The following LRRC37A3 variants were observed in gnomAD, a reference collection of about 807,000 sequenced individuals.
LRRC37A3 encodes leucine-rich repeat-containing protein 37A3.
A neutral mutation model predicts 106.2 loss-of-function variants in LRRC37A3; 25 were observed. That is an observed-to-expected ratio of 0.24 (90% CI 0.17 to 0.33). LRRC37A3 has a LOEUF of 0.33. Among genes scored for constraint, LRRC37A3 ranks in the 10% least tolerant of loss-of-function variants. The pLI is 1.00. For synonymous variants in LRRC37A3, 305 were observed against 635.8 expected, an observed-to-expected ratio of 0.48 and a Z score of 7.83; for missense variants, 712 against 1,644.9, an observed-to-expected ratio of 0.43 and a Z score of 9.81.
Position 64,860,362 on chromosome 17 carries a change from C to A in LRRC37A3, c.3784G>T (p.Ala1262Ser). Residue 1262 changes from alanine to serine, a missense_variant, in exon 12 of 15, where the codon GCA (alanine) becomes TCA (serine). Ala to Ser is a moderately conservative substitution (Grantham distance 99). Transcript: ENST00000584306. ...SKGAPSTSSP[A>S]KALPQVRDRW... ...TCTCTCACCTGTGGTAGGGCTTTTG[C>A]AGGGCTGGAGGTAGAAGGCGCGCCC... 1 of 1,613,934 alleles carries A rather than the reference C, an allele frequency of 6.2e-7. No homozygotes were observed.
At chr17:64,869,275 A>G (rs1973223124) in intron 8 of LRRC37A3, 109 bp from the exon 9 acceptor site, 1 of 1,566,074 alleles carries the variant, frequency 6.4e-7, no homozygotes, top group Admixed American at 2.0e-5. Flanking sequence ...AAAGAAAAAA[A>G]TGTTTCCTGT....
In LRRC37A3 at chr17:64,859,786, G is replaced by A. The variant is rs1972806407; in HGVS notation, c.4360C>T (p.Leu1454=). 2 of 1,612,266 alleles carry A rather than the reference G, an allele frequency of 1.2e-6. No individual in the cohort carries two copies. Among genetic ancestry groups the A allele is most frequent in the South Asian group, 1.1e-5 (1 of 90,984 alleles). The change falls in exon 12 of 15, where the codon CTG becomes TTG. Residue 1454 remains leucine (L), a synonymous_variant. Coordinates refer to ENST00000584306, the MANE Select transcript of LRRC37A3 (RefSeq NM_199340.5). ...TTGAAGCTTTTGGGCTCGGGGGACA[G>A]GTCAGTGCCCACGTTGTTGTATTCC... The part of the protein sequence containing the change: ...KWEYNNVGTD[L]SPEPKSFNYP...
intron 2 of LRRC37A3, among the ~76,000 whole-genome samples, chr17:64,917,072 C>T (rs1202874362): frequency 1.3e-5 from 2 of 151,428 alleles, no homozygotes; most frequent in African/African-American, 2.4e-5. Flanking sequence ...GGTGAAACCC[C>T]GTCTCTACTA....
chr17:64,882,091 GTC>G (rs1451062793), intron 8 of LRRC37A3, among the ~76,000 whole-genome samples: 1 of 138,036 alleles, frequency 7.2e-6, no homozygotes, highest in East Asian at 2.1e-4. Flanking sequence ...ATTACCTAGC[GTC>G]TCTGAGTTTC....
chr17:64,862,989 A>G lies in LRRC37A3; in HGVS notation c.3083T>C (p.Leu1028Pro). The G allele has an allele frequency of 6.3e-7, 1 of 1,598,152 alleles. No homozygotes were observed. The highest frequency in any genetic ancestry group is 8.5e-7 in the Non-Finnish European group (1 of 1,179,782). ...LIVPSHMACC[L>P]CQFKNSIEAV... Reference sequence around the variant, plus strand: ...CTCAATGCTGTTTTTAAATTGGCAGAGGCAGCAGGCCATATGGCTAGGTAC... The same window carrying G: ...CTCAATGCTGTTTTTAAATTGGCAGGGGCAGCAGGCCATATGGCTAGGTAC... Residue 1028 changes from leucine to proline, a missense_variant, in exon 11 of 15, where the codon CTC becomes CCC. Transcript: ENST00000584306.
chr17:64,866,589 C>CACATAT (rs1973084337), intron 10 of LRRC37A3, among the ~76,000 whole-genome samples: 1 of 24,126 alleles, frequency 4.1e-5, no homozygotes, highest in African/African-American at 1.3e-4. Context: ...TATACACGTA[C>CACATAT]ATATATATAT....
At chr17:64,877,157 C>T (rs1208584155) in intron 8 of LRRC37A3, 1 of 152,052 alleles carries the variant, frequency 6.6e-6, no homozygotes. Flanking sequence ...GAGGCTGAAG[C>T]AGGTGGATCA....
chr17:64,863,187 C>T (rs1598394959), intron 10 of LRRC37A3, 169 bp from the exon 11 acceptor site: 1 of 706,340 alleles, frequency 1.4e-6, no homozygotes, highest in East Asian at 2.5e-5. Flanking sequence ...CAAAAGTGCC[C>T]AACTGAAGGG....
intron 10 of LRRC37A3, among the ~76,000 whole-genome samples, chr17:64,867,339 G>A (rs1377233165): frequency 6.7e-6 from 1 of 149,808 alleles, no homozygotes; most frequent in Non-Finnish European, 1.5e-5. Context: ...GGGATTACAG[G>A]CATGTGCCAC....
At chr17:64,910,753 G>A (rs1157232222) in intron 2 of LRRC37A3, among the ~76,000 whole-genome samples, 16 of 136,836 alleles carry the variant, frequency 1.2e-4, no homozygotes, top group Admixed American at 9.6e-4. Flanking sequence ...CAAGCCACTC[G>A]CCTGCCTCAC....
intron 5 of LRRC37A3, among the ~76,000 whole-genome samples, chr17:64,890,829 T>C (rs1973932999): frequency 8.0e-6 from 1 of 125,616 alleles, no homozygotes. Flanking sequence ...CAAAATTCCA[T>C]CTGAAAAAAT....
intron 8 of LRRC37A3, among the ~76,000 whole-genome samples, chr17:64,869,935 G>GAAA (rs1401271587): frequency 1.4e-5 from 2 of 147,976 alleles, no homozygotes; most frequent in African/African-American, 5.2e-5. Flanking sequence ...TATAGCCAAA[G>GAAA]AAGGAATAAA....
intron 2 of LRRC37A3, among the ~76,000 whole-genome samples, chr17:64,910,637 CT>C (rs926231139): frequency 0.02 from 1,977 of 96,524 alleles, 6 homozygotes; most frequent in South Asian, 0.046. Flanking sequence ...ATTGTCCCCC[CT>C]TTTTTTTTTT....
chr17:64,854,631 G>A lies in LRRC37A3; in HGVS notation c.4873C>T (p.Pro1625Ser). The A allele has an allele frequency of 6.2e-7, 1 of 1,613,670 alleles. No homozygotes were observed. Among genetic ancestry groups the A allele is most frequent in the Non-Finnish European group, 8.5e-7 (1 of 1,179,850 alleles). Residue 1625 changes from proline (P) to serine (S), a missense_variant, in exon 15 of 15, where the codon CCA (proline) becomes TCA (serine). Pro to Ser is a moderately conservative substitution (Grantham distance 74). Coordinates refer to ENST00000584306, the MANE Select transcript of LRRC37A3 (RefSeq NM_199340.5). ...AGGGCTTCACTCTCCTCCTCCGTTG[G>A]GGCTTCGCTGTCCCTGGGATAAGAA... ...EEGFSRDSEA[P>S]TEEESEALP
intron 2 of LRRC37A3, among the ~76,000 whole-genome samples, chr17:64,918,451 CATAAAT>C (rs764734497): frequency 6.6e-6 from 1 of 151,830 alleles, no homozygotes; most frequent in Admixed American, 6.6e-5. Context: ...AAAAAGGAGA[CATAAAT>C]ATAAGAAAAT....
chr17:64,918,765 T>G lies in LRRC37A3; in HGVS notation c.-511A>C, dbSNP rs751291045. ...ATACATATACCTGTGCCAGGTGCAG[T>G]GGCTCACGCCTATAATCCCAACACT... On this transcript the variant is annotated 5_prime_UTR_variant, in exon 2 of 15. Coordinates refer to ENST00000584306, the MANE Select transcript of LRRC37A3 (RefSeq NM_199340.5). 1 of 472,148 alleles carries G rather than the reference T, an allele frequency of 2.1e-6. No individual in the cohort carries two copies. Among genetic ancestry groups the G allele is most frequent in the South Asian group, 2.3e-5 (1 of 43,176 alleles). 29.2% of individuals were successfully genotyped at this position (472,148 alleles called of 1,614,324 possible).
At chr17:64,868,997 T>A in intron 9 of LRRC37A3, 98 bp downstream of exon 9, 1 of 1,511,472 alleles carries the variant, frequency 6.6e-7, no homozygotes. Flanking sequence ...AAATTTAAAT[T>A]ATGACATTTT....
chr17:64,919,256 C>G (rs1198351750), intron 1 of LRRC37A3, among the ~76,000 whole-genome samples, 175 bp downstream of exon 1: 1 of 152,048 alleles, frequency 6.6e-6, no homozygotes, highest in East Asian at 1.9e-4. Context: ...GCCGGCCCCT[C>G]ATGTTGGAAC....
At chr17:64,863,971 A>ATTTTTTTTTTTTTT (rs1218172930) in intron 10 of LRRC37A3, among the ~76,000 whole-genome samples, 3 of 129,040 alleles carry the variant, frequency 2.3e-5, no homozygotes, top group Non-Finnish European at 1.6e-5. Context: ...TGCCCAGCTA[A>ATTTTTTTTTTTTTT]TTTTTTTTTT....
Sources: gnomAD v4.1 joint callset for allele counts (sites outside exome capture counted in the v4.1 genomes callset) on GRCh38, gnomAD v4.1.1 for gene constraint, MANE v1.5 for transcripts, NCBI Gene and HGNC (gene_info 2026-07-23, HGNC 2026-07-21) for gene names.